DLEU7: variants seen among roughly 807,000 people sequenced by gnomAD.
DLEU7 encodes the protein deleted in lymphocytic leukemia 7, also known as leukemia-associated protein 7.
In DLEU7, 17 loss-of-function variants were observed where a neutral mutation model predicts 16.0. The ratio of observed to expected loss-of-function variants is 1.06; its 90% CI spans 0.73 to 1.59. The LOEUF is 1.59. DLEU7 is among the 40% of genes most tolerant of loss of function. The pLI, the probability that DLEU7 is intolerant of heterozygous loss-of-function variation, is 0.00. For missense variants in DLEU7, 308 were observed against 314.9 expected (o/e 0.98, Z 0.17); for synonymous variants, 113 against 139.8 (o/e 0.81, Z 1.35).
At chr13:50,812,649 C>T (rs564548638) in intron 1 of DLEU7, among the ~76,000 whole-genome samples, 11 of 152,108 alleles carry the variant, frequency 7.2e-5, no homozygotes, top group Non-Finnish European at 1.6e-4. Context: ...TAAAAACAAA[C>T]AGCTTTACAT....
intron 1 of DLEU7, among the ~76,000 whole-genome samples, chr13:50,773,362 A>C (rs754554322): frequency 3.3e-5 from 5 of 152,066 alleles, no homozygotes; most frequent in Non-Finnish European, 7.4e-5. Flanking sequence ...TGGATTTTAG[A>C]ATTTTCAGCT....
intron 1 of DLEU7, among the ~76,000 whole-genome samples, chr13:50,827,857 G>T (rs1323884): frequency 0.48 from 73,630 of 151,906 alleles, 18,229 homozygotes; most frequent in Middle Eastern, 0.55. Flanking sequence ...CCTTTTGGAA[G>T]ATAATGATTA....
At chr13:50,805,649 A>G (rs577342046) in intron 1 of DLEU7, among the ~76,000 whole-genome samples, 2 of 152,170 alleles carry the variant, frequency 1.3e-5, no homozygotes, top group East Asian at 3.9e-4. Context: ...ATGTCTAGCT[A>G]TGCTTTCAGC....
At chr13:50,800,891 T>G (rs896658225) in intron 1 of DLEU7, among the ~76,000 whole-genome samples, 2 of 152,142 alleles carry the variant, frequency 1.3e-5, no homozygotes, top group African/African-American at 4.8e-5. Context: ...TTTTGCAGCA[T>G]ACAGTGCTAG....
At chr13:50,783,658 G>A (rs567544988) in intron 1 of DLEU7, among the ~76,000 whole-genome samples, 2 of 152,240 alleles carry the variant, frequency 1.3e-5, no homozygotes, top group South Asian at 2.1e-4. Context: ...ATGGATTGAT[G>A]GCCAATAGCG....
chr13:50,749,394 A>G (rs555298479), intron 1 of DLEU7, among the ~76,000 whole-genome samples: 9 of 152,094 alleles, frequency 5.9e-5, no homozygotes, highest in Non-Finnish European at 1.2e-4. Context: ...GTTGCTATAA[A>G]CATGCATGTG....
intron 1 of DLEU7, among the ~76,000 whole-genome samples, chr13:50,766,698 C>G (rs530555392): frequency 1.3e-5 from 2 of 152,254 alleles, no homozygotes; most frequent in East Asian, 3.9e-4. Flanking sequence ...ATGAGAAATC[C>G]CTGCACAGCC....
At chr13:50,810,749 A>T (rs1214695612) in intron 1 of DLEU7, among the ~76,000 whole-genome samples, 1 of 152,154 alleles carries the variant, frequency 6.6e-6, no homozygotes, top group Non-Finnish European at 1.5e-5. Flanking sequence ...AGTGTTGTTA[A>T]AGGGGCCTTG....
At chr13:50,740,500 G>T (rs989215092) in intron 1 of DLEU7, among the ~76,000 whole-genome samples, 1 of 152,110 alleles carries the variant, frequency 6.6e-6, no homozygotes, top group Non-Finnish European at 1.5e-5. Flanking sequence ...AACAGGCATT[G>T]CTAATCACTT....
intron 1 of DLEU7, among the ~76,000 whole-genome samples, chr13:50,730,448 G>T (rs1256668998): frequency 6.6e-6 from 1 of 152,128 alleles, no homozygotes; most frequent in African/African-American, 2.4e-5. Context: ...TAAATATTTT[G>T]AGTAAGTTTA....
chr13:50,780,233 G>A (rs1422157172), intron 1 of DLEU7, among the ~76,000 whole-genome samples: 1 of 152,170 alleles, frequency 6.6e-6, no homozygotes, highest in Non-Finnish European at 1.5e-5. Context: ...CACCCTAGGA[G>A]TAAAAACACC....
At chr13:50,791,220 C>CT (rs1201224761) in intron 1 of DLEU7, among the ~76,000 whole-genome samples, 1 of 152,192 alleles carries the variant, frequency 6.6e-6, no homozygotes, top group East Asian at 1.9e-4. Flanking sequence ...CTGGGCTTGG[C>CT]TGGGCTCTTC....
intron 1 of DLEU7, among the ~76,000 whole-genome samples, chr13:50,794,336 A>C (rs955038754): frequency 2.0e-5 from 3 of 151,988 alleles, no homozygotes; most frequent in Non-Finnish European, 4.4e-5. Flanking sequence ...TTTGGTCACA[A>C]TAATGATGGC....
chr13:50,761,034 G>T (rs1874913024), intron 1 of DLEU7, among the ~76,000 whole-genome samples: 1 of 152,152 alleles, frequency 6.6e-6, no homozygotes, highest in Non-Finnish European at 1.5e-5. Flanking sequence ...ACTGGATGGG[G>T]GAGGCCATGT....
chr13:50,728,880 G>A (rs1484612418), intron 1 of DLEU7, among the ~76,000 whole-genome samples: 4 of 151,970 alleles, frequency 2.6e-5, no homozygotes, highest in African/African-American at 4.8e-5. Flanking sequence ...ACTACTGAAG[G>A]GTATTCCTTT....
In DLEU7 at chr13:50,843,395, G is replaced by A; in HGVS notation, c.252C>T (p.Asn84=). 1 of 1,332,000 alleles carries A rather than the reference G, an allele frequency of 7.5e-7. No individual in the cohort carries two copies. Among genetic ancestry groups the A allele is most frequent in the South Asian group, 2.1e-5 (1 of 47,522 alleles). 82.5% of individuals were successfully genotyped at this position (1,332,000 alleles called of 1,614,324 possible). ...TRSRRTAARA[N]SPEEEVVRGA... ...CTCGCACTACCTCCTCCTCTGGGGA[G>A]TTCGCCCGCGCCGCGGTCCGCCGAC... The change falls in exon 1 of 2, where the codon AAC becomes AAT. Residue 84 remains asparagine (N), a synonymous_variant. Transcript: ENST00000504404. The surrounding 1 kb of genome is among the most constrained non-coding windows in gnomAD (Gnocchi z 5.7).
intron 1 of DLEU7, among the ~76,000 whole-genome samples, chr13:50,727,650 A>G (rs1397319425): frequency 6.6e-6 from 1 of 152,068 alleles, no homozygotes; most frequent in African/African-American, 2.4e-5. Flanking sequence ...TCACGTTGGG[A>G]ATACCTCCAG....
chr13:50,800,546 TAGGCTGCCC>T, intron 1 of DLEU7, among the ~76,000 whole-genome samples: 1 of 152,206 alleles, frequency 6.6e-6, no homozygotes, highest in African/African-American at 2.4e-5. Context: ...TCACTCCTCC[TAGGCTGCCC>T]TTTGAGGAAG....
chr13:50,811,451 A>G (rs1329751930), intron 1 of DLEU7, among the ~76,000 whole-genome samples: 3 of 152,130 alleles, frequency 2.0e-5, no homozygotes, highest in African/African-American at 7.2e-5. Flanking sequence ...TTAAATAGAC[A>G]TGCGTAAAAT....
Sources: allele counts gnomAD v4.1 joint callset (sites outside exome capture counted in the v4.1 genomes callset), GRCh38; gene constraint gnomAD v4.1.1; non-coding constraint Gnocchi (gnomAD v3.1); transcripts MANE v1.5; gene names NCBI Gene and HGNC (gene_info 2026-07-23, HGNC 2026-07-21).